The following WDR64 variants were observed in gnomAD, a reference collection of about 807,000 sequenced individuals.
WDR64 encodes the protein WD repeat-containing protein 64.
WDR64 carries 112 observed loss-of-function variants against 139.3 expected under a neutral mutation model. That is an observed-to-expected ratio of 0.80 (90% confidence interval 0.69 to 0.94). WDR64 has a LOEUF of 0.94. Among genes scored for constraint, WDR64 ranks in the 40% least tolerant of loss-of-function variants. The probability of loss-of-function intolerance (pLI) is 0.00; values close to 1 mark genes in which losing one functional copy is unlikely to be tolerated. For missense variants in WDR64, 1,206 were observed against 1,293.1 expected, an observed-to-expected ratio of 0.93 and a Z score of 1.03; for synonymous variants, 444 against 437.7, an observed-to-expected ratio of 1.01 and a Z score of -0.18.
chr1:241,782,401 T>TA (rs374747682), intron 22 of WDR64, among the ~76,000 whole-genome samples: 11 of 152,358 alleles, frequency 7.2e-5, no homozygotes, highest in African/African-American at 2.6e-4. Flanking sequence ...TACCCTTTGT[T>TA]AAAGCCTAAA....
At chr1:241,771,247 G>C (rs1352165442) in intron 18 of WDR64, among the ~76,000 whole-genome samples, 1 of 152,220 alleles carries the variant, frequency 6.6e-6, no homozygotes. Flanking sequence ...AAGCCAGACA[G>C]ATTGTACTTG....
At chr1:241,684,959 A>AT (rs1308846528) in intron 7 of WDR64, among the ~76,000 whole-genome samples, 11 of 152,108 alleles carry the variant, frequency 7.2e-5, no homozygotes. Flanking sequence ...GGGTTTCACC[A>AT]TGTTGGTCAG....
chr1:241,660,830 G>T, intron 2 of WDR64, 170 bp downstream of exon 2: 1 of 641,424 alleles, frequency 1.6e-6, no homozygotes. Flanking sequence ...AATGAAAGTG[G>T]GTAAAGTAGG....
intron 8 of WDR64, among the ~76,000 whole-genome samples, chr1:241,700,214 C>T (rs1558479014): frequency 6.8e-6 from 1 of 147,370 alleles, no homozygotes; most frequent in Non-Finnish European, 1.5e-5. Context: ...TATTTTAGAC[C>T]AAAAACAGAT....
chr1:241,683,897 A>ACAC (rs397937436), intron 7 of WDR64, among the ~76,000 whole-genome samples, 196 bp downstream of exon 7: 1 of 151,838 alleles, frequency 6.6e-6, no homozygotes, highest in Non-Finnish European at 1.5e-5. Context: ...ACACACACAC[A>ACAC]GAGTGAAATG....
At chr1:241,789,189 G>T (rs1487247060) in intron 24 of WDR64, among the ~76,000 whole-genome samples, 2 of 152,038 alleles carry the variant, frequency 1.3e-5, no homozygotes, top group African/African-American at 4.8e-5. Context: ...GAAAGGGCAT[G>T]GTACATACAG....
intron 15 of WDR64, among the ~76,000 whole-genome samples, chr1:241,765,049 T>C (rs1348615046): frequency 6.6e-6 from 1 of 151,566 alleles, no homozygotes; most frequent in Non-Finnish European, 1.5e-5. Flanking sequence ...TAGCCAGGCA[T>C]GGTAGCACCC....
At chr1:241,718,356 G>T (rs1207315497) in intron 9 of WDR64, among the ~76,000 whole-genome samples, 1 of 152,150 alleles carries the variant, frequency 6.6e-6, no homozygotes, top group Non-Finnish European at 1.5e-5. Context: ...AGGCGCTGCG[G>T]AGAGTAATAA....
At position 241,801,542 on chromosome 1, in the gene WDR64, G is replaced by A. The variant is rs909459018; in HGVS notation, c.*327G>A. 3.1e-5 allele frequency: 13 copies of A among 414,242 alleles called. No homozygotes were observed. The East Asian group carries it at 4.4e-4, about 14-fold the overall frequency. 25.7% of individuals were successfully genotyped at this position (414,242 alleles called of 1,614,324 possible). The stretch of plus-strand genomic sequence containing the variant: ...GTTTAGCTTTCCACTTCCTCCCATT[G>A]GTCACCTTACTCCACAGCAAGAATG... On this transcript the variant is annotated 3_prime_UTR_variant, in exon 28 of 28. Coordinates refer to ENST00000437684, the MANE Select transcript of WDR64 (RefSeq NM_001367482.1).
At chr1:241,707,445 A>C (rs1667994272) in intron 8 of WDR64, among the ~76,000 whole-genome samples, 2 of 152,162 alleles carry the variant, frequency 1.3e-5, no homozygotes, top group South Asian at 4.1e-4. Flanking sequence ...TAGCAATCTT[A>C]GACACAGCAG....
At chr1:241,714,347 T>C (rs1213496005) in intron 9 of WDR64, among the ~76,000 whole-genome samples, 1 of 152,176 alleles carries the variant, frequency 6.6e-6, no homozygotes, top group Non-Finnish European at 1.5e-5. Context: ...AAATACATCA[T>C]TGGCAAAAGA....
chr1:241,681,973 T>C (rs967526502), intron 6 of WDR64, among the ~76,000 whole-genome samples: 24 of 152,138 alleles, frequency 1.6e-4, no homozygotes, highest in Non-Finnish European at 2.5e-4. Flanking sequence ...TTTGATGAGA[T>C]TGTTTGTTTT....
chr1:241,741,957 T>G (rs1177769736), intron 12 of WDR64, among the ~76,000 whole-genome samples: 1 of 152,160 alleles, frequency 6.6e-6, no homozygotes, highest in Non-Finnish European at 1.5e-5. Flanking sequence ...AGTCTGCATT[T>G]TGATTTTTTT....
At chr1:241,685,536 TTTTA>T (rs1454466127) in intron 7 of WDR64, among the ~76,000 whole-genome samples, 1 of 152,184 alleles carries the variant, frequency 6.6e-6, no homozygotes, top group Admixed American at 6.5e-5. Flanking sequence ...ATTTTTAAAA[TTTTA>T]TTTGTTTTCT....
chr1:241,664,377 C>G (rs143106813), intron 2 of WDR64, among the ~76,000 whole-genome samples: 1 of 152,064 alleles, frequency 6.6e-6, no homozygotes, highest in Non-Finnish European at 1.5e-5. Context: ...CAATGTTTCA[C>G]GTCAATATAA....
At chr1:241,744,279 G>A in intron 12 of WDR64, 114 bp from the exon 13 acceptor site, 1 of 1,273,206 alleles carries the variant, frequency 7.9e-7, no homozygotes, top group Non-Finnish European at 1.1e-6. Context: ...GCTAGGAAAT[G>A]TGTTAGATGT....
intron 25 of WDR64, among the ~76,000 whole-genome samples, chr1:241,792,878 A>G (rs1273747063): frequency 6.6e-6 from 1 of 152,250 alleles, no homozygotes; most frequent in East Asian, 1.9e-4. Context: ...ATCCTATTAA[A>G]TGTATACCTT....
chr1:241,671,466 T>C (rs1666225586), intron 3 of WDR64, among the ~76,000 whole-genome samples: 1 of 152,356 alleles, frequency 6.6e-6, no homozygotes, highest in Admixed American at 6.5e-5. Flanking sequence ...CTCTCTGCAA[T>C]GATGTCACAA....
At chr1:241,717,935 A>G (rs1428396225) in intron 9 of WDR64, among the ~76,000 whole-genome samples, 2 of 152,162 alleles carry the variant, frequency 1.3e-5, no homozygotes, top group Non-Finnish European at 2.9e-5. Flanking sequence ...ACACATTTAC[A>G]ACTCCACTCA....
Sources: allele counts gnomAD v4.1 joint callset (sites outside exome capture counted in the v4.1 genomes callset), GRCh38; gene constraint gnomAD v4.1.1; transcripts MANE v1.5; gene names NCBI Gene and HGNC (gene_info 2026-07-23, HGNC 2026-07-21).